The following KIAA1191 variants were observed in gnomAD, a reference collection of about 807,000 sequenced individuals.
KIAA1191 encodes the protein KIAA1191.
A neutral mutation model predicts 31.1 loss-of-function variants in KIAA1191; 22 were observed. The ratio of observed to expected loss-of-function variants is 0.71; its 90% confidence interval spans 0.51 to 1.01. KIAA1191 has a LOEUF of 1.01. KIAA1191 is among the 50% of genes least tolerant of loss of function. KIAA1191 has a pLI of 0.00. For synonymous variants in KIAA1191, 130 were observed against 143.9 expected (o/e 0.90, Z 0.69); for missense variants, 319 against 388.0 (o/e 0.82, Z 1.49).
Position 176,347,620 on chromosome 5 carries a change from GCA to G in KIAA1191, c.896_897del (p.Val299AlafsTer16), listed in dbSNP as rs546181611. ...GGGCTCTAGAAGCCAGTGGGTGTGA[GCA>G]CATTCAGGTCACGGGGTTTGAGGTT... ...AHNLKPRDLN[V>X]LTPTGF On this transcript the variant is annotated frameshift_variant, in exon 9 of 9. Coordinates refer to ENST00000298569, the MANE Select transcript of KIAA1191 (RefSeq NM_020444.5). LOFTEE classifies it high-confidence loss of function. 2.0e-5 allele frequency: 31 copies of G among 1,521,344 alleles called. No homozygotes were observed. In the African/African-American group the frequency reaches 3.9e-4, roughly 19 times the overall value. 94.2% of individuals were successfully genotyped at this position (1,521,344 alleles called of 1,614,324 possible). A position where few individuals can be genotyped will look rare whatever the true frequency, so the allele number is the denominator to read the frequency against.
chr5:176,356,020 C>A (rs922996089), intron 3 of KIAA1191: 7 of 382,540 alleles, frequency 1.8e-5, no homozygotes, highest in African/African-American at 4.2e-5. Context: ...GTTGCCCAGG[C>A]TGGAGTGCAG....
In KIAA1191 at chr5:176,350,595, A is replaced by G. The variant is rs766287209; in HGVS notation, c.459+18T>C. ...GAACACTGAAGGTTTTGTTTTTTCAAAGTTCCTAAGAGCTTACGTGGAGTG... is the reference window on the plus strand; with the variant it reads ...GAACACTGAAGGTTTTGTTTTTTCAGAGTTCCTAAGAGCTTACGTGGAGTG... On this transcript the variant is annotated intron_variant, in intron 6 of 8. Coordinates refer to ENST00000298569, the MANE Select transcript of KIAA1191 (RefSeq NM_020444.5). The G allele has an allele frequency of 2.4e-5, 39 of 1,607,200 alleles. No homozygotes were observed. In the South Asian group the frequency reaches 3.6e-4, roughly 15 times the overall value.
At chr5:176,357,074 T>C (rs1456696626) in intron 3 of KIAA1191, 2 of 152,080 alleles carry the variant, frequency 1.3e-5, no homozygotes, top group African/African-American at 2.4e-5. Flanking sequence ...GGGAGGCTGA[T>C]GTGGGTGGAT....
chr5:176,347,898 C>G, intron 8 of KIAA1191, 23 bp downstream of exon 8: 2 of 1,613,974 alleles, frequency 1.2e-6, no homozygotes, highest in Non-Finnish European at 1.7e-6. Context: ...ATGCTGCTCT[C>G]TTTTTTGAAG....
At chr5:176,359,294 G>A (rs1378150165) in intron 3 of KIAA1191, among the ~76,000 whole-genome samples, 187 bp downstream of exon 3, 1 of 152,054 alleles carries the variant, frequency 6.6e-6, no homozygotes, top group Admixed American at 6.6e-5. Flanking sequence ...ACTCCAGCCT[G>A]GGCAACAGAG....
At chr5:176,349,849 C>T (rs944957689) in intron 6 of KIAA1191, among the ~76,000 whole-genome samples, 16 of 152,180 alleles carry the variant, frequency 1.1e-4, no homozygotes, top group Admixed American at 8.5e-4. Flanking sequence ...TTCTGACCCC[C>T]CCTTGCCTAA....
chr5:176,346,852 A>C lies in KIAA1191; in HGVS notation c.*748T>G, dbSNP rs1766547980. ...CCCCTAACTGATAAGGCTGGAGCAC[A>C]GCACCAGTCATCAACAGGGCCAAAG... On this transcript the variant is annotated 3_prime_UTR_variant, in exon 9 of 9. Transcript: ENST00000298569. 6.6e-6 allele frequency: 1 copy of C among 152,244 alleles called. No individual in the cohort carries two copies. Among genetic ancestry groups the C allele is most frequent in the African/African-American group, 2.4e-5 (1 of 41,456 alleles). The allele number at this position is 152,244 out of a possible 1,614,324, so 9.4% of individuals were successfully genotyped here.
chr5:176,351,242 G>A (rs529487650), intron 5 of KIAA1191, among the ~76,000 whole-genome samples: 1 of 151,714 alleles, frequency 6.6e-6, no homozygotes, highest in South Asian at 2.1e-4. Flanking sequence ...TCGGGAGTCT[G>A]AGGCAGGAGA....
intron 6 of KIAA1191, chr5:176,349,167 C>G (rs1343710703): frequency 1.3e-5 from 2 of 152,194 alleles, no homozygotes; most frequent in East Asian, 3.8e-4. Flanking sequence ...GTGGGTCAAC[C>G]AAAGTCAATC....
At chr5:176,354,555 C>A (rs1767332338) in intron 4 of KIAA1191, 1 of 152,210 alleles carries the variant, frequency 6.6e-6, no homozygotes, top group Non-Finnish European at 1.5e-5. Flanking sequence ...GCACGAAGGA[C>A]TGTGAGGTAT....
chr5:176,358,641 G>A (rs1397604379), intron 3 of KIAA1191, among the ~76,000 whole-genome samples: 1 of 152,188 alleles, frequency 6.6e-6, no homozygotes, highest in Non-Finnish European at 1.5e-5. Flanking sequence ...TTGAGCCCAG[G>A]AGGCGGAGGT....
At chr5:176,351,546 T>C (rs1374459735) in intron 5 of KIAA1191, among the ~76,000 whole-genome samples, 1 of 151,628 alleles carries the variant, frequency 6.6e-6, no homozygotes, top group Non-Finnish European at 1.5e-5. Context: ...GATCACGAGG[T>C]CAGGAGTTTG....
intron 4 of KIAA1191, chr5:176,353,265 T>G (rs552065159): frequency 6.6e-6 from 1 of 152,426 alleles, no homozygotes; most frequent in Non-Finnish European, 1.5e-5. Flanking sequence ...GTGTTACTGA[T>G]GCTGCCGGTC....
intron 3 of KIAA1191, 55 bp downstream of exon 3, chr5:176,359,426 G>A (rs1182068175): frequency 1.3e-6 from 2 of 1,546,638 alleles, no homozygotes; most frequent in Non-Finnish European, 1.8e-6. Flanking sequence ...TTTCTGTCTA[G>A]CTTAAAACAT....
chr5:176,357,625 G>A (rs1051810247), intron 3 of KIAA1191, among the ~76,000 whole-genome samples: 8 of 152,020 alleles, frequency 5.3e-5, no homozygotes, highest in African/African-American at 1.7e-4. Context: ...GACCTGAGCC[G>A]GTGCACACAC....
Position 176,359,807 on chromosome 5 carries a change from T to G in KIAA1191, c.-60+4A>C, listed in dbSNP as rs1414715607. On this transcript the variant is annotated splice_donor_region_variant and intron_variant, in intron 2 of 8. Transcript: ENST00000298569. ...TGCCATACATGGTGAAAAAGTCACC[T>G]TACCACAGTGAAATGATGTGATGAC... 3.2e-6 allele frequency: 1 copy of G among 314,164 alleles called. No homozygotes were observed. Among genetic ancestry groups the G allele is most frequent in the Non-Finnish European group, 6.3e-6 (1 of 159,898 alleles). 19.5% of individuals were successfully genotyped at this position (314,164 alleles called of 1,614,324 possible). A position where few individuals can be genotyped will look rare whatever the true frequency, so the allele number is the denominator to read the frequency against.
At chr5:176,357,206 CAGG>C (rs1231223709) in intron 3 of KIAA1191, 1 of 151,952 alleles carries the variant, frequency 6.6e-6, no homozygotes, top group African/African-American at 2.4e-5. Flanking sequence ...GAGACTGAGG[CAGG>C]AGAATTGCTT....
At chr5:176,359,451 C>T (rs1348438464) in intron 3 of KIAA1191, 30 bp downstream of exon 3, 1 of 1,608,920 alleles carries the variant, frequency 6.2e-7, no homozygotes, top group Non-Finnish European at 8.5e-7. Context: ...AAGGGCAAAA[C>T]ATGATTTTAC....
chr5:176,349,408 G>A (rs1219577394), intron 6 of KIAA1191, among the ~76,000 whole-genome samples: 8 of 152,152 alleles, frequency 5.3e-5, no homozygotes, highest in African/African-American at 7.2e-5. Flanking sequence ...GGCCGGGTGC[G>A]GTGGCTCATA....
Sources: gnomAD v4.1 joint callset for allele counts (sites outside exome capture counted in the v4.1 genomes callset) on GRCh38, gnomAD v4.1.1 for gene constraint, MANE v1.5 for transcripts, NCBI Gene and HGNC (gene_info 2026-07-23, HGNC 2026-07-21) for gene names.